Variants in ADGRG6 observed in about 807,000 individuals in gnomAD.
ADGRG6 encodes the protein adhesion G protein-coupled receptor G6, also known as G-protein coupled receptor 126.
ADGRG6 carries 84 observed loss-of-function variants against 142.4 expected under a neutral mutation model. The ratio of observed to expected loss-of-function variants is 0.59; its 90% CI spans 0.49 to 0.71. ADGRG6 has a LOEUF of 0.71. Among genes scored for constraint, ADGRG6 ranks in the 30% least tolerant of loss-of-function variants. The pLI, the probability that ADGRG6 is intolerant of heterozygous loss-of-function variation, is 0.00. For missense variants in ADGRG6, 1,367 were observed against 1,466.6 expected, an observed-to-expected ratio of 0.93 and a Z score of 1.11; for synonymous variants, 521 against 520.5, an observed-to-expected ratio of 1.00 and a Z score of -0.01.
rs1583099020 is a variant in ADGRG6 at position 142,402,683 on chromosome 6, C to T, written c.1808C>T (p.Ser603Leu). Reference protein sequence around the residue: ...NLTADGQNLTSANITNIVEQV... With the variant: ...NLTADGQNLTLANITNIVEQV... ...ACTGCTGATGGGCAGAACTTAACCT[C>T]AGCCAATATTACCAACATTGTGGAA... Residue 603 changes from serine to leucine, a missense_variant, in exon 13 of 25, where the codon TCA (serine) becomes TTA (leucine). Transcript: ENST00000367609. The T allele has an allele frequency of 1.9e-6, 3 of 1,609,690 alleles. No individual in the cohort carries two copies. In the South Asian group the frequency reaches 3.3e-5, roughly 18 times the overall value.
intron 11 of ADGRG6, chr6:142,400,813 C>T (rs1775480565): frequency 2.2e-6 from 1 of 453,268 alleles, no homozygotes; most frequent in African/African-American, 2.0e-5. Flanking sequence ...CTAATCAAGC[C>T]CTTTCACAGA....
chr6:142,411,248 A>T, intron 17 of ADGRG6, 57 bp from the exon 18 acceptor site: 2 of 906,858 alleles, frequency 2.2e-6, no homozygotes, highest in South Asian at 2.6e-5. Flanking sequence ...GGTCTCATCC[A>T]TTATAGAGAA....
chr6:142,334,990 T>G (rs1004986601), intron 2 of ADGRG6, among the ~76,000 whole-genome samples: 2 of 152,222 alleles, frequency 1.3e-5, no homozygotes, highest in Non-Finnish European at 1.5e-5. Context: ...TAAAGGTGAT[T>G]GGCACTGGAC....
Position 142,341,519 on chromosome 6 carries a change from ATAT to A in ADGRG6, c.104-26046_104-26044del, listed in dbSNP as rs796352896. ...TATTATATAGTATATATACTACATA[ATAT>A]TATATAGTATATATAGTATATAATA... On this transcript the variant is annotated intron_variant, in intron 2 of 24. Transcript: ENST00000367609. 1.3e-3 allele frequency among the ~76,000 whole-genome samples: 157 copies of A among 119,148 alleles called. 1 individual carries two copies. In the East Asian group the frequency reaches 0.027, roughly 20 times the overall value. 78.2% of individuals were successfully genotyped at this position (119,148 alleles called of 152,430 possible).
intron 2 of ADGRG6, among the ~76,000 whole-genome samples, chr6:142,323,570 G>A (rs1163923653): frequency 5.9e-5 from 9 of 152,048 alleles, no homozygotes; most frequent in African/African-American, 1.4e-4. Flanking sequence ...ATTGCTTAAC[G>A]ACAAAGGTAT....
intron 2 of ADGRG6, among the ~76,000 whole-genome samples, chr6:142,362,505 G>A (rs997077797): frequency 4.6e-5 from 7 of 152,156 alleles, no homozygotes; most frequent in African/African-American, 1.7e-4. Flanking sequence ...GTGTAGAAAT[G>A]CTATTTTTGA....
At chr6:142,378,865 T>G (rs1460223583) in intron 4 of ADGRG6, among the ~76,000 whole-genome samples, 1 of 152,248 alleles carries the variant, frequency 6.6e-6, no homozygotes, top group Non-Finnish European at 1.5e-5. Flanking sequence ...TTAAACTTTC[T>G]TCTCTTAAAT....
At chr6:142,400,809 A>G in intron 11 of ADGRG6, 1 of 463,440 alleles carries the variant, frequency 2.2e-6, no homozygotes. Flanking sequence ...CATGCTAATC[A>G]AGCCCTTTCA....
Position 142,415,016 on chromosome 6 carries a change from C to T in ADGRG6, c.2589C>T (p.Val863=), listed in dbSNP as rs746441462. 49 of 1,610,918 alleles carry T rather than the reference C, an allele frequency of 3.0e-5. No homozygotes were observed. The highest frequency in any genetic ancestry group is 4.1e-5 in the Non-Finnish European group (48 of 1,178,146). ...AGTTAGATGCAAGAAACACTAAAGTCCTCACTTTCATCAGCTATATTGGGT... is the reference window on the plus strand; with the variant it reads ...AGTTAGATGCAAGAAACACTAAAGTTCTCACTTTCATCAGCTATATTGGGT... ...ASQLDARNTK[V]LTFISYIGCG... The change falls in exon 19 of 25, where the codon GTC becomes GTT. Residue 863 remains valine (V), a synonymous_variant. Coordinates refer to ENST00000367609, the MANE Select transcript of ADGRG6 (RefSeq NM_198569.3).
intron 2 of ADGRG6, among the ~76,000 whole-genome samples, chr6:142,326,882 T>A (rs1251872682): frequency 6.6e-6 from 1 of 152,098 alleles, no homozygotes; most frequent in Non-Finnish European, 1.5e-5. Flanking sequence ...TACATTTGCT[T>A]TTTATTTGAA....
At chr6:142,441,662 C>T (rs758428923) in intron 24 of ADGRG6, among the ~76,000 whole-genome samples, 4 of 152,130 alleles carry the variant, frequency 2.6e-5, no homozygotes, top group Non-Finnish European at 5.9e-5. Context: ...GTGACTATAT[C>T]CTTGATATCT....
chr6:142,366,252 A>G (rs1460858244), intron 2 of ADGRG6, among the ~76,000 whole-genome samples: 2 of 152,202 alleles, frequency 1.3e-5, no homozygotes, highest in African/African-American at 4.8e-5. Flanking sequence ...AATTCATTCA[A>G]TTAACATTTA....
At chr6:142,317,002 C>T (rs1215860507) in intron 2 of ADGRG6, among the ~76,000 whole-genome samples, 1 of 152,056 alleles carries the variant, frequency 6.6e-6, no homozygotes, top group Admixed American at 6.6e-5. Context: ...AAATCTATTA[C>T]TTGTAGGCAG....
chr6:142,427,908 A>T (rs1777028962), intron 22 of ADGRG6, among the ~76,000 whole-genome samples: 1 of 152,100 alleles, frequency 6.6e-6, no homozygotes, highest in Non-Finnish European at 1.5e-5. Context: ...CCATAATTCA[A>T]TCACCTCCTA....
chr6:142,427,683 C>T (rs761216254), intron 22 of ADGRG6, among the ~76,000 whole-genome samples: 26 of 152,092 alleles, frequency 1.7e-4, no homozygotes, highest in Non-Finnish European at 3.8e-4. Context: ...AAAACTGGGC[C>T]GTTTATAAAA....
At chr6:142,355,081 T>C (rs1780376496) in intron 2 of ADGRG6, among the ~76,000 whole-genome samples, 1 of 152,222 alleles carries the variant, frequency 6.6e-6, no homozygotes, top group Non-Finnish European at 1.5e-5. Flanking sequence ...TTCTCATCTT[T>C]TCCTGGTTGA....
At chr6:142,318,772 G>A (rs1582973519) in intron 2 of ADGRG6, among the ~76,000 whole-genome samples, 2 of 152,138 alleles carry the variant, frequency 1.3e-5, no homozygotes, top group East Asian at 3.9e-4. Context: ...AAATGGCTTT[G>A]TAGAAGCATG....
chr6:142,309,778 G>T, intron 2 of ADGRG6, 134 bp downstream of exon 2: 3 of 514,086 alleles, frequency 5.8e-6, no homozygotes, highest in Non-Finnish European at 3.3e-6. Context: ...TCCTTATAGG[G>T]CAGTTTTTTT....
chr6:142,386,657 TTTATA>T (rs1238259007), intron 6 of ADGRG6, among the ~76,000 whole-genome samples: 3 of 152,224 alleles, frequency 2.0e-5, no homozygotes, highest in Admixed American at 6.5e-5. Flanking sequence ...TTGTCGTGCA[TTTATA>T]TGATTATCTT....
Sources: allele counts gnomAD v4.1 joint callset (sites outside exome capture counted in the v4.1 genomes callset), GRCh38; gene constraint gnomAD v4.1.1; transcripts MANE v1.5; gene names NCBI Gene and HGNC (gene_info 2026-07-23, HGNC 2026-07-21).